APBA1: variants seen among roughly 807,000 people sequenced by gnomAD.
APBA1 encodes amyloid-beta A4 precursor protein-binding family A member 1.
A neutral mutation model predicts 86.6 loss-of-function variants in APBA1; 55 were observed. That is an observed-to-expected ratio of 0.64 (90% CI 0.51 to 0.80). The LOEUF (loss-of-function observed/expected upper bound fraction) is 0.80, where lower values mean the gene tolerates loss of function less well. Ranked by LOEUF, APBA1 falls within the 30% of genes least tolerant of loss-of-function variation. The pLI is 0.00. For missense variants in APBA1, 1,090 were observed against 1,183.0 expected (o/e 0.92, Z 1.15); for synonymous variants, 511 against 493.9 (o/e 1.03, Z -0.46).
At chr9:69,496,962 T>G (rs1835808170) in intron 2 of APBA1, among the ~76,000 whole-genome samples, 3 of 146,450 alleles carry the variant, frequency 2.0e-5, no homozygotes, top group Admixed American at 1.4e-4. Flanking sequence ...TTTCAGTTAT[T>G]ACTCAGAAAT....
At chr9:69,552,907 C>CTTTTTTT (rs34026305) in intron 1 of APBA1, among the ~76,000 whole-genome samples, 1 of 135,544 alleles carries the variant, frequency 7.4e-6, no homozygotes, top group African/African-American at 2.8e-5. Context: ...CTTTCTTGGG[C>CTTTTTTT]TTTTTTTTTT....
chr9:69,440,941 C>T (rs1003013523), intron 11 of APBA1, 55 bp downstream of exon 11: 1 of 1,587,538 alleles, frequency 6.3e-7, no homozygotes, highest in African/African-American at 1.3e-5. Context: ...CCCAGCCATG[C>T]TACATTTTTA....
rs1377001442 is a variant in APBA1 at position 69,516,755 on chromosome 9, G to A, written c.456C>T (p.Phe152=). The change falls in exon 2 of 13, where the codon TTC becomes TTT. Residue 152 remains phenylalanine, a synonymous_variant. Transcript: ENST00000265381. The surrounding 1 kb of genome is among the most constrained non-coding windows in gnomAD (Gnocchi z 7.3). The part of the protein sequence containing the change: ...HRRALPNHLH[F]HSLEHEEAMN... The stretch of plus-strand genomic sequence containing the variant: ...TGGCTTCCTCGTGCTCCAGCGAGTG[G>A]AAGTGCAGGTGGTTGGGCAGCGCGC... 6.2e-7 allele frequency: 1 copy of A among 1,612,026 alleles called. No homozygotes were observed. The highest frequency in any genetic ancestry group is 8.5e-7 in the Non-Finnish European group (1 of 1,179,504).
chr9:69,446,304 CA>C (rs79895687), intron 10 of APBA1, among the ~76,000 whole-genome samples: 14,104 of 152,210 alleles, frequency 0.093, 805 homozygotes, highest in East Asian at 0.28. Context: ...CCCCATTCAA[CA>C]AGCGGCGCAC....
chr9:69,579,318 A>G (rs2133955117), intron 1 of APBA1, among the ~76,000 whole-genome samples: 1 of 152,264 alleles, frequency 6.6e-6, no homozygotes, highest in East Asian at 1.9e-4. Flanking sequence ...CTAATCCCCG[A>G]GCAAGATGGG....
intron 2 of APBA1, among the ~76,000 whole-genome samples, chr9:69,500,345 T>C (rs1199503514): frequency 6.6e-6 from 1 of 152,148 alleles, no homozygotes; most frequent in African/African-American, 2.4e-5. Flanking sequence ...TTGTTTCACA[T>C]TTCCATATAG....
rs57033911 is a variant in APBA1, at chr9:69,501,629, A to AACACACACAC, written c.1200+14372_1200+14381dup. Among the ~76,000 whole-genome samples the AACACACACAC allele has an allele frequency of 7.7e-5, 11 of 142,188 alleles. No homozygotes were observed. The South Asian group carries it at 1.5e-3, about 19-fold the overall frequency. 93.3% of individuals were successfully genotyped at this position (142,188 alleles called of 152,430 possible). On this transcript the variant is annotated intron_variant, in intron 2 of 12. Transcript: ENST00000265381. ...ACATAACAAGACTCTGTCTCTACAA[A>AACACACACAC]ACACACACACACACACACACACACA...
intron 1 of APBA1, among the ~76,000 whole-genome samples, chr9:69,645,674 CAGG>C (rs1307635071): frequency 1.3e-5 from 2 of 152,276 alleles, no homozygotes; most frequent in East Asian, 1.9e-4. Flanking sequence ...TCAGCAGTGG[CAGG>C]AGAAGGGTGG....
intron 2 of APBA1, among the ~76,000 whole-genome samples, chr9:69,483,265 A>T (rs1835552299): frequency 6.6e-6 from 1 of 151,972 alleles, no homozygotes; most frequent in Non-Finnish European, 1.5e-5. Flanking sequence ...ACAGAGAAAA[A>T]CTAAACAGAG....
chr9:69,555,638 CAACTT>C (rs1836849019), intron 1 of APBA1, among the ~76,000 whole-genome samples: 1 of 152,076 alleles, frequency 6.6e-6, no homozygotes, highest in African/African-American at 2.4e-5. Flanking sequence ...AAAGTTTTAT[CAACTT>C]AACAAGATTC....
intron 2 of APBA1, among the ~76,000 whole-genome samples, chr9:69,502,667 C>T (rs1835897679): frequency 1.3e-5 from 2 of 151,938 alleles, no homozygotes; most frequent in African/African-American, 4.8e-5. Flanking sequence ...GCAGAATGGG[C>T]CATTAAATGC....
At chr9:69,524,599 C>T (rs1836313864) in intron 1 of APBA1, among the ~76,000 whole-genome samples, 1 of 151,402 alleles carries the variant, frequency 6.6e-6, no homozygotes, top group African/African-American at 2.4e-5. Context: ...AAACAAAAAC[C>T]TACCAACTGA....
intron 11 of APBA1, among the ~76,000 whole-genome samples, chr9:69,440,134 T>C (rs1834787816): frequency 6.6e-6 from 1 of 152,186 alleles, no homozygotes; most frequent in African/African-American, 2.4e-5. Context: ...GCCTGATCGT[T>C]CCTCTGGAAG....
chr9:69,604,296 G>A (rs1283033419), intron 1 of APBA1, among the ~76,000 whole-genome samples: 8 of 148,880 alleles, frequency 5.4e-5, no homozygotes, highest in African/African-American at 2.0e-4. Flanking sequence ...ACACATGAGG[G>A]TAAGTGGAGA....
chr9:69,584,375 A>G (rs1439413085), intron 1 of APBA1, among the ~76,000 whole-genome samples: 2 of 152,236 alleles, frequency 1.3e-5, no homozygotes, highest in Non-Finnish European at 2.9e-5. Flanking sequence ...CATTAAGCCT[A>G]TGAAGCAGTC....
At chr9:69,528,250 G>T (rs1162882675) in intron 1 of APBA1, among the ~76,000 whole-genome samples, 1 of 151,994 alleles carries the variant, frequency 6.6e-6, no homozygotes, top group Non-Finnish European at 1.5e-5. Context: ...CACTAACCAG[G>T]CAGGAAAATT....
intron 1 of APBA1, among the ~76,000 whole-genome samples, chr9:69,663,214 A>T (rs2134028145): frequency 6.6e-6 from 1 of 152,356 alleles, no homozygotes; most frequent in South Asian, 2.1e-4. Flanking sequence ...CACATAATAA[A>T]GGACAAGTAT....
At chr9:69,446,201 T>C (rs1305416525) in intron 10 of APBA1, among the ~76,000 whole-genome samples, 6 of 152,184 alleles carry the variant, frequency 3.9e-5, no homozygotes, top group African/African-American at 7.2e-5. Context: ...GACCCACTGA[T>C]GTCAGTCTGT....
intron 1 of APBA1, among the ~76,000 whole-genome samples, chr9:69,621,944 G>A (rs1456857107): frequency 6.6e-6 from 1 of 152,174 alleles, no homozygotes; most frequent in Non-Finnish European, 1.5e-5. Context: ...GTCCCAGATG[G>A]CAAACTGATA....
Sources: gnomAD v4.1 joint callset for allele counts (sites outside exome capture counted in the v4.1 genomes callset) on GRCh38, gnomAD v4.1.1 for gene constraint, Gnocchi (gnomAD v3.1) non-coding constraint, MANE v1.5 for transcripts, NCBI Gene and HGNC (gene_info 2026-07-23, HGNC 2026-07-21) for gene names.